Variants in MGST1 observed in about 807,000 individuals in gnomAD.
MGST1 encodes microsomal glutathione S-transferase 1.
MGST1 carries 5 observed loss-of-function variants against 8.9 expected under a neutral mutation model. The ratio of observed to expected loss-of-function variants is 0.56; its 90% confidence interval spans 0.29 to 1.19. MGST1 has a LOEUF of 1.19. Ranked by LOEUF, MGST1 falls within the 50% of genes most tolerant of loss-of-function variation. The pLI, the probability that MGST1 is intolerant of heterozygous loss-of-function variation, is 0.08. For synonymous variants in MGST1, 54 were observed against 67.8 expected (o/e 0.80, Z 1.00); for missense variants, 182 against 187.4 (o/e 0.97, Z 0.17).
intron 4 of MGST1, among the ~76,000 whole-genome samples, chr12:16,580,349 C>T (rs76670593): frequency 0.041 from 6,227 of 152,254 alleles, 201 homozygotes; most frequent in Non-Finnish European, 0.063. Flanking sequence ...AAAGACACCA[C>T]AAGGATGCAA....
intron 1 of MGST1, chr12:16,350,787 A>G (rs943297958): frequency 6.6e-6 from 1 of 152,216 alleles, no homozygotes; most frequent in Admixed American, 6.5e-5. Flanking sequence ...GAGATGGTTC[A>G]TTGACTCATC....
intron 4 of MGST1, among the ~76,000 whole-genome samples, chr12:16,487,289 C>T (rs2137152384): frequency 6.6e-6 from 1 of 152,142 alleles, no homozygotes; most frequent in Admixed American, 6.5e-5. Context: ...AAACCAACAC[C>T]AACACCAACA....
rs530705430 is a variant in MGST1, at chr12:16,499,822, A to T, written n.483-89706A>T. Among the ~76,000 whole-genome samples the T allele has an allele frequency of 1.1e-4, 16 of 152,330 alleles. No individual in the cohort carries two copies. In the East Asian group the frequency reaches 3.1e-3, roughly 29 times the overall value. On this transcript the variant is annotated intron_variant and non_coding_transcript_variant, in intron 4 of 4. Transcript: ENST00000538857. Reference sequence around the variant, plus strand: ...CTTGGCTGTGGAATCCTGGCAGATTAAACTACGAACACGATAGCACTGCAT... The same window carrying T: ...CTTGGCTGTGGAATCCTGGCAGATTTAACTACGAACACGATAGCACTGCAT...
chr12:16,492,285 A>G (rs1941444353), intron 4 of MGST1, among the ~76,000 whole-genome samples: 1 of 152,202 alleles, frequency 6.6e-6, no homozygotes. Context: ...ACTTTAGGGT[A>G]GCATTAAAGT....
At chr12:16,422,790 A>G (rs970636998) in intron 1 of MGST1, among the ~76,000 whole-genome samples, 2 of 152,142 alleles carry the variant, frequency 1.3e-5, no homozygotes, top group Admixed American at 6.5e-5. Flanking sequence ...ACCTTATCCA[A>G]TCCCTCACAA....
intron 4 of MGST1, among the ~76,000 whole-genome samples, chr12:16,540,043 C>T (rs542853566): frequency 1.3e-5 from 2 of 152,302 alleles, no homozygotes; most frequent in Admixed American, 1.3e-4. Flanking sequence ...CAAGACTCAG[C>T]TGCTTTTCTC....
chr12:16,391,493 A>T (rs1040814483), intron 1 of MGST1, among the ~76,000 whole-genome samples: 3 of 152,012 alleles, frequency 2.0e-5, no homozygotes, highest in Non-Finnish European at 4.4e-5. Flanking sequence ...AAAGGACTTG[A>T]ACTCATTTTT....
At chr12:16,390,373 G>T (rs946212265) in intron 1 of MGST1, among the ~76,000 whole-genome samples, 1 of 152,110 alleles carries the variant, frequency 6.6e-6, no homozygotes, top group Non-Finnish European at 1.5e-5. Flanking sequence ...GGGGTTTGTT[G>T]TCCAGATTAT....
At chr12:16,475,455 C>G (rs1371238016) in intron 4 of MGST1, among the ~76,000 whole-genome samples, 5 of 152,118 alleles carry the variant, frequency 3.3e-5, no homozygotes, top group African/African-American at 1.2e-4. Flanking sequence ...ATTAATGATT[C>G]CCATTGCTTT....
intron 4 of MGST1, among the ~76,000 whole-genome samples, chr12:16,455,002 G>T (rs1168044151): frequency 6.7e-6 from 1 of 150,310 alleles, no homozygotes; most frequent in Non-Finnish European, 1.5e-5. Flanking sequence ...ACTAAATTTT[G>T]TACTGGAAAC....
chr12:16,563,205 C>G (rs1942465077), intron 4 of MGST1, among the ~76,000 whole-genome samples: 1 of 152,060 alleles, frequency 6.6e-6, no homozygotes, highest in African/African-American at 2.4e-5. Context: ...TGTGGAGATG[C>G]GGAAATCTGA....
chr12:16,511,302 TG>T (rs1176864344), intron 4 of MGST1, among the ~76,000 whole-genome samples: 1 of 152,242 alleles, frequency 6.6e-6, no homozygotes, highest in East Asian at 1.9e-4. Flanking sequence ...CTGGCCCCTG[TG>T]GGGCTAATGC....
intron 4 of MGST1, among the ~76,000 whole-genome samples, chr12:16,535,684 C>T (rs1046111041): frequency 1.3e-5 from 2 of 152,114 alleles, no homozygotes; most frequent in Admixed American, 6.5e-5. Flanking sequence ...CAATATAAAT[C>T]GTGGTCCTCA....
At position 16,537,313 on chromosome 12, in the gene MGST1, C is replaced by G. The variant is rs1007316591; in HGVS notation, n.483-52215C>G. ...TCCCATAGTCTTGGGCAACTCCACCCCTATGGCTTTGCAGGGTACAGCCCC... is the reference window on the plus strand; with the variant it reads ...TCCCATAGTCTTGGGCAACTCCACCGCTATGGCTTTGCAGGGTACAGCCCC... On this transcript the variant is annotated intron_variant and non_coding_transcript_variant, in intron 4 of 4. Coordinates refer to the MGST1 transcript ENST00000538857. This position sits in a 1 kb window ranked among gnomAD's most constrained non-coding sequence, Gnocchi z 4.6. 1.6e-4 allele frequency among the ~76,000 whole-genome samples: 25 copies of G among 152,328 alleles called. No homozygotes were observed. Among genetic ancestry groups the G allele is most frequent in the African/African-American group, 6.0e-4 (25 of 41,582 alleles).
intron 4 of MGST1, among the ~76,000 whole-genome samples, chr12:16,522,188 G>A (rs1288974448): frequency 6.6e-5 from 10 of 152,100 alleles, no homozygotes; most frequent in Non-Finnish European, 1.5e-4. Flanking sequence ...CTCGGGGATT[G>A]GAGCAGAGGG....
intron 4 of MGST1, among the ~76,000 whole-genome samples, chr12:16,567,914 T>TA (rs1942672760): frequency 1.3e-5 from 2 of 152,164 alleles, no homozygotes; most frequent in Non-Finnish European, 2.9e-5. Flanking sequence ...TAGTTGGACT[T>TA]ACTGAGTAGC....
intron 1 of MGST1, among the ~76,000 whole-genome samples, chr12:16,422,906 G>A (rs538226269): frequency 6.6e-6 from 1 of 152,204 alleles, no homozygotes; most frequent in African/African-American, 2.4e-5. Context: ...ACATGGACAT[G>A]CTGATTGGTA....
intron 4 of MGST1, among the ~76,000 whole-genome samples, chr12:16,571,861 A>G (rs552239844): frequency 6.6e-6 from 1 of 152,088 alleles, no homozygotes; most frequent in Non-Finnish European, 1.5e-5. Flanking sequence ...CTTAAAACTC[A>G]TTGAAAAGGG....
rs971344809 is a variant in MGST1 at position 16,547,627 on chromosome 12, C to T, written n.483-41901C>T. 6.6e-6 allele frequency among the ~76,000 whole-genome samples: 1 copy of T among 152,042 alleles called. No individual in the cohort carries two copies. Among genetic ancestry groups the T allele is most frequent in the Non-Finnish European group, 1.5e-5 (1 of 68,008 alleles). On this transcript the variant is annotated intron_variant and non_coding_transcript_variant, in intron 4 of 4. Coordinates refer to the MGST1 transcript ENST00000538857. This position sits in a 1 kb window ranked among gnomAD's most constrained non-coding sequence, Gnocchi z 4.6. Reference sequence around the variant, plus strand: ...GGAGAGGCCTGTCACATAGTAGGTGCGCAATAAATGTCAATTAAACTAATG... The same window carrying T: ...GGAGAGGCCTGTCACATAGTAGGTGTGCAATAAATGTCAATTAAACTAATG...
Sources: gnomAD v4.1 joint callset for allele counts (sites outside exome capture counted in the v4.1 genomes callset) on GRCh38, gnomAD v4.1.1 for gene constraint, Gnocchi (gnomAD v3.1) non-coding constraint, MANE v1.5 for transcripts, NCBI Gene and HGNC (gene_info 2026-07-23, HGNC 2026-07-21) for gene names.